BAZ2B: variants seen among roughly 807,000 people sequenced by gnomAD.
BAZ2B encodes bromodomain adjacent to zinc finger domain protein 2B.
Under a neutral mutation model 246.0 loss-of-function variants are expected in BAZ2B, and 91 were observed. The ratio of observed to expected loss-of-function variants is 0.37; its 90% CI spans 0.31 to 0.44. BAZ2B has a LOEUF of 0.44. Ranked by LOEUF, BAZ2B falls within the 20% of genes least tolerant of loss-of-function variation. The pLI is 1.00. For missense variants in BAZ2B, 2,332 were observed against 2,533.7 expected, an observed-to-expected ratio of 0.92 and a Z score of 1.71; for synonymous variants, 855 against 860.0, an observed-to-expected ratio of 0.99 and a Z score of 0.10.
chr2:159,334,414 T>G (rs2065273057), intron 33 of BAZ2B, among the ~76,000 whole-genome samples: 1 of 152,194 alleles, frequency 6.6e-6, no homozygotes, highest in African/African-American at 2.4e-5. Context: ...GGAGGCAAAT[T>G]ATGACAACTC....
chr2:159,368,232 T>C (rs1446430074), intron 27 of BAZ2B, among the ~76,000 whole-genome samples: 1 of 152,166 alleles, frequency 6.6e-6, no homozygotes, highest in Non-Finnish European at 1.5e-5. Context: ...TATGTGATTT[T>C]AGTAGAGACA....
intron 10 of BAZ2B, among the ~76,000 whole-genome samples, chr2:159,429,501 C>A (rs1397284050): frequency 6.6e-6 from 1 of 151,738 alleles, no homozygotes; most frequent in Non-Finnish European, 1.5e-5. Context: ...AAAATACAAT[C>A]CAAGGTAAAA....
chr2:159,374,638 T>C (rs1030241616), intron 26 of BAZ2B, 53 bp downstream of exon 26: 11 of 1,496,026 alleles, frequency 7.4e-6, no homozygotes, highest in Middle Eastern at 1.8e-4. Context: ...CCTTACAATG[T>C]AGATTTCTAA....
chr2:159,328,894 G>A (rs1042356238), intron 34 of BAZ2B, among the ~76,000 whole-genome samples: 2 of 152,120 alleles, frequency 1.3e-5, no homozygotes, highest in South Asian at 2.1e-4. Context: ...TTGGGAGGCC[G>A]AGGCAGGCAG....
intron 1 of BAZ2B, among the ~76,000 whole-genome samples, chr2:159,579,863 T>C (rs1300496066): frequency 4.6e-5 from 7 of 152,070 alleles, no homozygotes; most frequent in Non-Finnish European, 7.3e-5. Flanking sequence ...CAACAAAATT[T>C]AACAGCCCTT....
At chr2:159,362,380 T>G (rs1559112464) in intron 27 of BAZ2B, among the ~76,000 whole-genome samples, 1 of 152,146 alleles carries the variant, frequency 6.6e-6, no homozygotes. Context: ...ACTCAGAAAT[T>G]AAGTGCTTTC....
intron 1 of BAZ2B, among the ~76,000 whole-genome samples, chr2:159,610,213 A>G (rs1210842358): frequency 1.3e-5 from 2 of 152,184 alleles, no homozygotes; most frequent in Non-Finnish European, 2.9e-5. Flanking sequence ...CTTTCTTACT[A>G]CAGCCAATCA....
intron 31 of BAZ2B, among the ~76,000 whole-genome samples, chr2:159,342,043 G>C (rs953675659): frequency 6.6e-6 from 1 of 151,986 alleles, no homozygotes; most frequent in African/African-American, 2.4e-5. Flanking sequence ...ACCAAATTGA[G>C]ACAAAAATAC....
the BAZ2B span, among the ~76,000 whole-genome samples, chr2:159,679,141 G>A: frequency 1.3e-5 from 2 of 151,832 alleles, no homozygotes; most frequent in Admixed American, 1.3e-4. Context: ...CTGTGGTGGC[G>A]GGCGCCTGTA....
the BAZ2B span, among the ~76,000 whole-genome samples, chr2:159,624,092 G>A: frequency 6.6e-6 from 1 of 152,154 alleles, no homozygotes; most frequent in African/African-American, 2.4e-5. Flanking sequence ...GTTCGAACCG[G>A]GTGGAGCCCA....
At chr2:159,361,583 CA>C (rs1280205209) in intron 27 of BAZ2B, among the ~76,000 whole-genome samples, 3 of 152,176 alleles carry the variant, frequency 2.0e-5, no homozygotes, top group African/African-American at 7.2e-5. Flanking sequence ...CAATTTGACC[CA>C]GCAATCAATC....
At chr2:159,619,130 TTAAC>T (rs1488190786), upstream of BAZ2B, among the ~76,000 whole-genome samples, 6 of 152,016 alleles carry the variant, frequency 3.9e-5, no homozygotes, top group African/African-American at 7.2e-5. Context: ...ATGAAAGTGA[TTAAC>T]TACTATATAA....
At chr2:159,369,831 G>A (rs1332187071) in intron 27 of BAZ2B, among the ~76,000 whole-genome samples, 2 of 152,110 alleles carry the variant, frequency 1.3e-5, no homozygotes, top group African/African-American at 4.8e-5. Flanking sequence ...ATAAACATAC[G>A]TGTGCATGTG....
At chr2:159,343,452 G>A (rs2067121529) in intron 31 of BAZ2B, among the ~76,000 whole-genome samples, 1 of 152,048 alleles carries the variant, frequency 6.6e-6, no homozygotes, top group South Asian at 2.1e-4. Context: ...TCAACAGAGT[G>A]AAAAGAAAAT....
chr2:159,649,417 C>T, the BAZ2B span, among the ~76,000 whole-genome samples: 1 of 152,104 alleles, frequency 6.6e-6, no homozygotes, highest in African/African-American at 2.4e-5. Context: ...TCTAATGCTA[C>T]CACTGATCTG....
chr2:159,389,215 G>C (rs1198564249), intron 21 of BAZ2B, 130 bp downstream of exon 21: 3 of 955,486 alleles, frequency 3.1e-6, no homozygotes, highest in African/African-American at 3.4e-5. Context: ...AATTGACCTA[G>C]AGTTGGAAAT....
At chr2:159,603,494 C>A (rs1692665471) in intron 1 of BAZ2B, among the ~76,000 whole-genome samples, 1 of 152,016 alleles carries the variant, frequency 6.6e-6, no homozygotes, top group African/African-American at 2.4e-5. Flanking sequence ...AAGAGTATCC[C>A]TCGTTCTAGT....
chr2:159,397,530 T>A (rs947316624), intron 18 of BAZ2B, 141 bp from the exon 19 acceptor site: 4 of 487,224 alleles, frequency 8.2e-6, no homozygotes, highest in African/African-American at 8.0e-5. Context: ...AATTATTTTT[T>A]ATTTATAAAA....
chr2:159,429,406 T>C, intron 10 of BAZ2B, 146 bp from the exon 11 acceptor site: 2 of 492,318 alleles, frequency 4.1e-6, no homozygotes. Flanking sequence ...TTTTAGATGG[T>C]TTTCAATAAA....
Sources: gnomAD v4.1 joint callset for allele counts (sites outside exome capture counted in the v4.1 genomes callset) on GRCh38, gnomAD v4.1.1 for gene constraint, MANE v1.5 for transcripts, NCBI Gene and HGNC (gene_info 2026-07-23, HGNC 2026-07-21) for gene names.